Variants in PPP2R1B observed in about 807,000 individuals in gnomAD.
The protein encoded by PPP2R1B is serine/threonine-protein phosphatase 2A 65 kDa regulatory subunit A beta isoform.
A neutral mutation model predicts 72.7 loss-of-function variants in PPP2R1B; 58 were observed. The ratio of observed to expected loss-of-function variants is 0.80; its 90% CI spans 0.65 to 0.99. PPP2R1B has a LOEUF of 0.99. Ranked by LOEUF, PPP2R1B falls within the 50% of genes least tolerant of loss-of-function variation. The pLI is 0.00. For missense variants in PPP2R1B, 695 were observed against 733.6 expected (o/e 0.95, Z 0.61); for synonymous variants, 256 against 264.6 (o/e 0.97, Z 0.32).
chr11:111,698,073 G>T, the PPP2R1B span, among the ~76,000 whole-genome samples: 1 of 152,150 alleles, frequency 6.6e-6, no homozygotes, highest in South Asian at 2.1e-4. Flanking sequence ...CTCAGCACAT[G>T]TAATATTGTA....
In PPP2R1B at chr11:111,738,876, A is replaced by T. The variant is rs1944421250; in HGVS notation, c.*2720T>A. 2.1e-6 allele frequency: 2 copies of T among 950,598 alleles called. No homozygotes were observed. The highest frequency in any genetic ancestry group is 1.3e-4 in the East Asian group (1 of 7,688). The allele number at this position is 950,598 out of a possible 1,614,324, so 58.9% of individuals were successfully genotyped here. A position where few individuals can be genotyped will look rare whatever the true frequency, so the allele number is the denominator to read the frequency against. On this transcript the variant is annotated 3_prime_UTR_variant, in exon 15 of 15. Coordinates refer to ENST00000527614, the MANE Select transcript of PPP2R1B (RefSeq NM_002716.5). ...TGAGACATTTTTATTGGCATAGGTT[A>T]TATGTTTGTGTGTGTGTGTGTGTGT...
At chr11:111,736,914 C>A (rs1352380349), downstream of PPP2R1B, among the ~76,000 whole-genome samples, 5 of 152,188 alleles carry the variant, frequency 3.3e-5, no homozygotes, top group South Asian at 1.0e-3. Context: ...TAATGAATGG[C>A]CCTGGGGCAG....
chr11:111,756,770 A>ATG (rs1565468333), intron 5 of PPP2R1B, among the ~76,000 whole-genome samples: 1 of 152,210 alleles, frequency 6.6e-6, no homozygotes, highest in Non-Finnish European at 1.5e-5. Context: ...TAAACAGCCA[A>ATG]TGTCAACGTG....
At chr11:111,731,400 C>T (rs909902846) in intron 15 of PPP2R1B, among the ~76,000 whole-genome samples, 9 of 152,236 alleles carry the variant, frequency 5.9e-5, no homozygotes, top group African/African-American at 2.2e-4. Context: ...ACAGTGCATT[C>T]CCTCACATGG....
intron 3 of PPP2R1B, among the ~76,000 whole-genome samples, 185 bp downstream of exon 3, chr11:111,764,620 G>GA (rs1286016147): frequency 1.1e-3 from 151 of 138,266 alleles, no homozygotes; most frequent in Admixed American, 1.2e-3. Context: ...CTTATTTACA[G>GA]AAAAAAAAAA....
chr11:111,694,759 C>A, the PPP2R1B span, among the ~76,000 whole-genome samples: 1 of 152,166 alleles, frequency 6.6e-6, no homozygotes, highest in South Asian at 2.1e-4. Context: ...CCACAGTAAG[C>A]TGGGAATATG....
Position 111,755,386 on chromosome 11 carries a change from T to A in PPP2R1B, c.752A>T (p.Asp251Val). The A allele has an allele frequency of 6.2e-7, 1 of 1,613,860 alleles. No homozygotes were observed. The highest frequency in any genetic ancestry group is 8.5e-7 in the Non-Finnish European group (1 of 1,179,958). Residue 251 changes from aspartate (D) to valine (V), a missense_variant, in exon 6 of 15, where the codon GAC (aspartate) becomes GTC (valine). Physicochemically the swap from Asp to Val is radical, Grantham distance 152. Coordinates refer to ENST00000527614, the MANE Select transcript of PPP2R1B (RefSeq NM_002716.5). ...TGTAGGCATCACCAAAGTCTCAAGG[T>A]CATCCTGAGACAATAACTGGGCAAT... ...VSIAQLLSQD[D>V]LETLVMPTLR... is the part of the protein sequence containing the mutation.
the PPP2R1B span, among the ~76,000 whole-genome samples, chr11:111,700,231 T>A: frequency 6.6e-6 from 1 of 152,222 alleles, no homozygotes; most frequent in East Asian, 1.9e-4. Context: ...GGCCATTAAC[T>A]GTTTTGAACT....
chr11:111,717,249 G>C, the PPP2R1B span, among the ~76,000 whole-genome samples: 1 of 142,196 alleles, frequency 7.0e-6, no homozygotes, highest in Non-Finnish European at 1.5e-5. Flanking sequence ...CTGGGAGGCA[G>C]AGCTTGCAGT....
intron 5 of PPP2R1B, among the ~76,000 whole-genome samples, chr11:111,758,419 G>A (rs1052644975): frequency 5.9e-5 from 9 of 152,042 alleles, no homozygotes; most frequent in African/African-American, 1.9e-4. Context: ...GTGAAACCCC[G>A]TCTCTACTAA....
the PPP2R1B span, among the ~76,000 whole-genome samples, chr11:111,702,410 C>T: frequency 1.6e-4 from 25 of 152,248 alleles, no homozygotes; most frequent in African/African-American, 6.0e-4. Flanking sequence ...TATTGCAAGA[C>T]CCTGTCTCTA....
intron 5 of PPP2R1B, among the ~76,000 whole-genome samples, chr11:111,756,223 G>A (rs10789847): frequency 1.7e-4 from 24 of 142,150 alleles, no homozygotes; most frequent in South Asian, 2.2e-4. Context: ...AAACAAAAAG[G>A]AAAAAAAAAA....
chr11:111,748,158 TACAA>T (rs1242130343), intron 10 of PPP2R1B, 144 bp from the exon 11 acceptor site: 6 of 651,682 alleles, frequency 9.2e-6, no homozygotes, highest in Non-Finnish European at 1.5e-5. Flanking sequence ...CCACAGGAAT[TACAA>T]ACAAACCATA....
At chr11:111,737,768 G>A (rs1735076704), downstream of PPP2R1B, 4 of 1,315,970 alleles carry the variant, frequency 3.0e-6, no homozygotes, top group Non-Finnish European at 3.0e-6. Context: ...TTCCCTCGGG[G>A]CCCTGGAAAG....
chr11:111,724,376 G>A (rs1387732277), downstream of PPP2R1B: 8 of 540,156 alleles, frequency 1.5e-5, no homozygotes, highest in South Asian at 4.6e-5. Context: ...CCCTTCGGTC[G>A]AGTGGAGCAA....
chr11:111,741,936 ACCCT>A, intron 14 of PPP2R1B, 113 bp downstream of exon 14: 1 of 946,426 alleles, frequency 1.1e-6, no homozygotes, highest in South Asian at 1.3e-5. Flanking sequence ...GGAACTTACT[ACCCT>A]CCCTGTTTCC....
At chr11:111,723,994 T>G, downstream of PPP2R1B, 1 of 1,614,148 alleles carries the variant, frequency 6.2e-7, no homozygotes, top group Non-Finnish European at 8.5e-7. Flanking sequence ...GGCCAGACTG[T>G]CCCAGAAGCC....
chr11:111,758,835 T>G lies in PPP2R1B; in HGVS notation c.687+969A>C, dbSNP rs988389394. On this transcript the variant is annotated intron_variant, in intron 5 of 14. Coordinates refer to ENST00000527614, the MANE Select transcript of PPP2R1B (RefSeq NM_002716.5). Reference sequence around the variant, plus strand: ...TAGTTCATTAAGTTATACATTCATTTTGTACATTTATTATTAGAATAAAAA... The same window carrying G: ...TAGTTCATTAAGTTATACATTCATTGTGTACATTTATTATTAGAATAAAAA... 2.0e-5 allele frequency among the ~76,000 whole-genome samples: 3 copies of G among 152,158 alleles called. No individual in the cohort carries two copies. The South Asian group carries it at 6.2e-4, about 31-fold the overall frequency.
chr11:111,753,653 G>C, intron 8 of PPP2R1B, 76 bp from the exon 9 acceptor site: 2 of 1,455,072 alleles, frequency 1.4e-6, no homozygotes, highest in Non-Finnish European at 1.9e-6. Context: ...GGGAAACAGA[G>C]TCTTGCTCTG....
Sources: allele counts gnomAD v4.1 joint callset (sites outside exome capture counted in the v4.1 genomes callset), GRCh38; gene constraint gnomAD v4.1.1; transcripts MANE v1.5; gene names NCBI Gene and HGNC (gene_info 2026-07-23, HGNC 2026-07-21).